LRRFIP1: variants seen among roughly 807,000 people sequenced by gnomAD.
LRRFIP1 encodes LRR binding FLII interacting protein 1.
LRRFIP1 carries 62 observed loss-of-function variants against 104.4 expected under a neutral mutation model. The observed-to-expected ratio is 0.59, with a 90% CI of 0.48 to 0.73. LRRFIP1 has a LOEUF of 0.73. LRRFIP1 is among the 30% of genes least tolerant of loss of function. The pLI, the probability that LRRFIP1 is intolerant of heterozygous loss-of-function variation, is 0.00. For missense variants in LRRFIP1, 796 were observed against 824.5 expected, an observed-to-expected ratio of 0.97 and a Z score of 0.42; for synonymous variants, 300 against 299.0, an observed-to-expected ratio of 1.00 and a Z score of -0.03.
rs1301831582 is a variant in LRRFIP1, at chr2:237,781,066, G to A, written c.*1534G>A. On this transcript the variant is annotated 3_prime_UTR_variant, in exon 24 of 24. Transcript: ENST00000308482. Reference sequence around the variant, plus strand: ...GGAAAGAGGAAGGAAGCTGGACGAAGCCCCTCAGGGACCCTGTGCTGACCA... The same window carrying A: ...GGAAAGAGGAAGGAAGCTGGACGAAACCCCTCAGGGACCCTGTGCTGACCA... 1.3e-5 allele frequency among the ~76,000 whole-genome samples: 2 copies of A among 151,530 alleles called. No homozygotes were observed. Among genetic ancestry groups the A allele is most frequent in the Admixed American group, 6.5e-5 (1 of 15,268 alleles).
rs1195821307 is a variant in LRRFIP1 at position 237,766,609 on chromosome 2, T to G, written c.1460-3334T>G. 6.6e-6 allele frequency among the ~76,000 whole-genome samples: 1 copy of G among 152,202 alleles called. No individual in the cohort carries two copies. The stretch of plus-strand genomic sequence containing the variant: ...CCGTCTCAGTGATTCACCACTCATT[T>G]GCTTAATTAATAGACAGGTTTGATC... On this transcript the variant is annotated intron_variant, in intron 19 of 23. Coordinates refer to ENST00000308482, the MANE Select transcript of LRRFIP1 (RefSeq NM_001137550.2). The surrounding 1 kb of genome is among the most constrained non-coding windows in gnomAD (Gnocchi z 4.8).
chr2:237,691,446 C>G lies in LRRFIP1; in HGVS notation c.97-17098C>G, dbSNP rs1399252426. Among the ~76,000 whole-genome samples the G allele has an allele frequency of 6.6e-6, 1 of 152,170 alleles. No individual in the cohort carries two copies. Among genetic ancestry groups the G allele is most frequent in the Non-Finnish European group, 1.5e-5 (1 of 68,014 alleles). ...CAGATCGGCCCCAGCGGCCCGCACC[C>G]GCACCCTGCAAGCTCGTTCTCCCCT... is the stretch of plus-strand genomic sequence containing the variant. On this transcript the variant is annotated intron_variant, in intron 1 of 23. Transcript: ENST00000308482. The surrounding 1 kb of genome is among the most constrained non-coding windows in gnomAD (Gnocchi z 5.4).
rs149969209 is a variant in LRRFIP1 at position 237,685,086 on chromosome 2, G to A, written c.97-23458G>A. Among the ~76,000 whole-genome samples the A allele has an allele frequency of 3.2e-3, 437 of 136,782 alleles. 3 individuals are homozygous for A. The highest frequency in any genetic ancestry group is 0.011 in the African/African-American group (400 of 36,740). The allele number at this position is 136,782 out of a possible 152,430, so 89.7% of individuals were successfully genotyped here. On this transcript the variant is annotated intron_variant, in intron 1 of 23. Transcript: ENST00000308482. ...GCACTCCAACCTGACACTCAACAGT[G>A]TGAGACCTTGTCTCCCTACCCTCCC... is the stretch of plus-strand genomic sequence containing the variant.
intron 1 of LRRFIP1, among the ~76,000 whole-genome samples, chr2:237,693,122 A>G (rs996722092): frequency 6.6e-6 from 1 of 152,264 alleles, no homozygotes; most frequent in Admixed American, 6.5e-5. Flanking sequence ...GTAGTTTGGC[A>G]TTAAAATTGG....
In LRRFIP1 at chr2:237,762,793, A is replaced by G. The variant is rs780072680; in HGVS notation, c.1459+2588A>G. ...CTGAAGACACTGCCCCATTCCTAGG[A>G]ACCTTAGCAGGTGCTACCTATGAGG... On this transcript the variant is annotated intron_variant, in intron 19 of 23. Transcript: ENST00000308482. 1.9e-6 allele frequency: 3 copies of G among 1,614,238 alleles called. No homozygotes were observed. The East Asian group carries it at 6.7e-5, about 36-fold the overall frequency.
chr2:237,760,517 C>T (rs1305756846), intron 19 of LRRFIP1, among the ~76,000 whole-genome samples: 1 of 152,184 alleles, frequency 6.6e-6, no homozygotes, highest in Non-Finnish European at 1.5e-5. Flanking sequence ...GTGGAGAGTA[C>T]TATTTGGTTT....
chr2:237,751,068 A>T, intron 13 of LRRFIP1, 132 bp from the exon 14 acceptor site: 1 of 604,764 alleles, frequency 1.7e-6, no homozygotes, highest in Non-Finnish European at 2.9e-6. Context: ...ATTTTCCCTT[A>T]ACGCTTAATA....
chr2:237,636,829 T>C lies in LRRFIP1; in HGVS notation c.96+9089T>C, dbSNP rs553869774. 2.3e-4 allele frequency among the ~76,000 whole-genome samples: 35 copies of C among 152,218 alleles called. 1 individual carries two copies. The highest frequency in any genetic ancestry group is 4.0e-4 in the Non-Finnish European group (27 of 68,038). ...GGTTCCTCAGGCAGGGGCAAGCAGC[T>C]CTGATTTGAACCCAGTCTCTTGCCT... is the stretch of plus-strand genomic sequence containing the variant. On this transcript the variant is annotated intron_variant, in intron 1 of 23. Coordinates refer to ENST00000308482, the MANE Select transcript of LRRFIP1 (RefSeq NM_001137550.2).
chr2:237,647,584 C>T (rs1655558710), intron 1 of LRRFIP1, among the ~76,000 whole-genome samples: 1 of 152,104 alleles, frequency 6.6e-6, no homozygotes, highest in Non-Finnish European at 1.5e-5. Flanking sequence ...GGTGGCCGGG[C>T]ACTCGCTGCA....
At chr2:237,684,628 A>G (rs539295971) in intron 1 of LRRFIP1, among the ~76,000 whole-genome samples, 2 of 152,306 alleles carry the variant, frequency 1.3e-5, no homozygotes, top group African/African-American at 2.4e-5. Flanking sequence ...TTTTAAATGA[A>G]CTATTCTGAG....
Position 237,714,285 on chromosome 2 carries a change from T to A in LRRFIP1, c.201+9T>A. 2.5e-6 allele frequency: 4 copies of A among 1,598,856 alleles called. No homozygotes were observed. The highest frequency in any genetic ancestry group is 3.4e-6 in the Non-Finnish European group (4 of 1,169,510). On this transcript the variant is annotated intron_variant, in intron 3 of 23. Transcript: ENST00000308482. The stretch of plus-strand genomic sequence containing the variant: ...TCTATCAGGTCCAAAAGGTAGGCTC[T>A]TCTTTCTTTATTTTCTAACTTGCAT...
intron 1 of LRRFIP1, among the ~76,000 whole-genome samples, chr2:237,645,761 G>C (rs1218558018): frequency 1.3e-5 from 2 of 151,954 alleles, no homozygotes; most frequent in Non-Finnish European, 2.9e-5. Flanking sequence ...TTAAACAAGG[G>C]TGAGCAATGG....
At chr2:237,705,755 C>G (rs1242695327) in intron 1 of LRRFIP1, among the ~76,000 whole-genome samples, 4 of 152,074 alleles carry the variant, frequency 2.6e-5, no homozygotes, top group Admixed American at 6.5e-5. Context: ...AGTCTGGGGT[C>G]TTTCTGGAGT....
At chr2:237,643,201 C>G (rs897668706) in intron 1 of LRRFIP1, among the ~76,000 whole-genome samples, 17 of 152,254 alleles carry the variant, frequency 1.1e-4, no homozygotes, top group Admixed American at 1.1e-3. Context: ...CCGCCGCGCA[C>G]TCGCTACACC....
chr2:237,711,131 G>A lies in LRRFIP1; in HGVS notation c.183+2501G>A, dbSNP rs2094059538. Among the ~76,000 whole-genome samples the A allele has an allele frequency of 6.6e-6, 1 of 152,196 alleles. No homozygotes were observed. Among genetic ancestry groups the A allele is most frequent in the South Asian group, 2.1e-4 (1 of 4,832 alleles). ...TACTCCAGATGGGAAACCAAGTCTTGGGCATTTAATTTTAGTATCATGAAA... is the reference window on the plus strand; with the variant it reads ...TACTCCAGATGGGAAACCAAGTCTTAGGCATTTAATTTTAGTATCATGAAA... On this transcript the variant is annotated intron_variant, in intron 2 of 23. Coordinates refer to ENST00000308482, the MANE Select transcript of LRRFIP1 (RefSeq NM_001137550.2). The surrounding 1 kb of genome is among the most constrained non-coding windows in gnomAD (Gnocchi z 4.4).
intron 23 of LRRFIP1, among the ~76,000 whole-genome samples, chr2:237,774,947 A>ACTC (rs2060950964): frequency 6.6e-6 from 1 of 152,218 alleles, no homozygotes; most frequent in Non-Finnish European, 1.5e-5. Context: ...CTCCCAAATT[A>ACTC]CCATGCTTGC....
chr2:237,750,622 C>T (rs1413673230), intron 13 of LRRFIP1, among the ~76,000 whole-genome samples: 2 of 152,152 alleles, frequency 1.3e-5, no homozygotes, highest in African/African-American at 2.4e-5. Context: ...AGGCGTGAGC[C>T]GCTGCGCCTG....
intron 1 of LRRFIP1, 112 bp from the exon 2 acceptor site, chr2:237,708,432 G>C: frequency 1.4e-6 from 1 of 725,562 alleles, no homozygotes; most frequent in African/African-American, 1.8e-5. Context: ...ATTTATTGCT[G>C]TATATCTGTT....
At chr2:237,718,150 A>G (rs369414550) in intron 4 of LRRFIP1, among the ~76,000 whole-genome samples, 2 of 152,206 alleles carry the variant, frequency 1.3e-5, no homozygotes, top group East Asian at 3.9e-4. Flanking sequence ...CGGGCTGGGC[A>G]TGCGCCCCTG....
Sources: gnomAD v4.1 joint callset for allele counts (sites outside exome capture counted in the v4.1 genomes callset) on GRCh38, gnomAD v4.1.1 for gene constraint, Gnocchi (gnomAD v3.1) non-coding constraint, MANE v1.5 for transcripts, NCBI Gene and HGNC (gene_info 2026-07-23, HGNC 2026-07-21) for gene names.